Variants in DOCK9 observed in about 807,000 individuals in gnomAD.
The protein encoded by DOCK9 is dedicator of cytokinesis 9, also known as dedicator of cytokinesis protein 9.
In DOCK9, 89 loss-of-function variants were observed where a neutral mutation model predicts 263.3. The ratio of observed to expected loss-of-function variants is 0.34; its 90% confidence interval spans 0.28 to 0.40. The LOEUF (loss-of-function observed/expected upper bound fraction) is 0.40. Among genes scored for constraint, DOCK9 ranks in the 10% least tolerant of loss-of-function variants. The pLI, the probability that DOCK9 is intolerant of heterozygous loss-of-function variation, is 1.00. For synonymous variants in DOCK9, 976 were observed against 973.1 expected, an observed-to-expected ratio of 1.00 and a Z score of -0.06; for missense variants, 2,140 against 2,603.4, an observed-to-expected ratio of 0.82 and a Z score of 3.87.
At chr13:99,059,140 C>T (rs531415890) in intron 1 of DOCK9, among the ~76,000 whole-genome samples, 2 of 152,306 alleles carry the variant, frequency 1.3e-5, no homozygotes, top group East Asian at 1.9e-4. Flanking sequence ...GGCTTCAAGG[C>T]GGGCCATGGT....
chr13:99,001,082 G>A (rs2141834669), intron 1 of DOCK9, among the ~76,000 whole-genome samples: 1 of 152,322 alleles, frequency 6.6e-6, no homozygotes, highest in East Asian at 1.9e-4. Flanking sequence ...GCAAGGAAAG[G>A]CCTTCAGCCT....
chr13:98,882,251 T>C (rs568914723), intron 23 of DOCK9, among the ~76,000 whole-genome samples: 1 of 151,596 alleles, frequency 6.6e-6, no homozygotes, highest in East Asian at 1.9e-4. Flanking sequence ...GGTGTGCCCA[T>C]GGAATCGCAA....
At chr13:98,807,544 C>T (rs1297560552) in intron 48 of DOCK9, 117 bp downstream of exon 48, 10 of 971,524 alleles carry the variant, frequency 1.0e-5, no homozygotes, top group South Asian at 7.6e-5. Context: ...CTGCCACTCA[C>T]GGCCAACAAT....
intron 49 of DOCK9, 79 bp downstream of exon 49, chr13:98,804,920 C>G: frequency 2.0e-6 from 3 of 1,477,330 alleles, no homozygotes; most frequent in Admixed American, 2.0e-5. Flanking sequence ...CCTTCCAGTC[C>G]TGAAGCTTCT....
chr13:99,088,135 G>C (rs2042389631), upstream of DOCK9: 1 of 152,298 alleles, frequency 6.6e-6, no homozygotes, highest in Admixed American at 6.5e-5. Flanking sequence ...TTGCAGGATC[G>C]GATTGTTTCT....
At chr13:98,975,905 T>C (rs1165720703) in intron 1 of DOCK9, among the ~76,000 whole-genome samples, 1 of 152,232 alleles carries the variant, frequency 6.6e-6, no homozygotes, top group African/African-American at 2.4e-5. Context: ...GGTTGCACAA[T>C]GGTGTCTGCC....
At chr13:98,910,693 ACACCTTCAGC>A (rs1369446040) in intron 9 of DOCK9, among the ~76,000 whole-genome samples, 1 of 152,164 alleles carries the variant, frequency 6.6e-6, no homozygotes, top group African/African-American at 2.4e-5. Context: ...CCATGAAATT[ACACCTTCAGC>A]CACCTTCTGC....
At chr13:98,816,141 AG>A (rs1347267824) in intron 45 of DOCK9, among the ~76,000 whole-genome samples, 1 of 152,212 alleles carries the variant, frequency 6.6e-6, no homozygotes, top group Admixed American at 6.5e-5. Context: ...CTATATAAAT[AG>A]GATTTAGTTT....
chr13:98,836,599 C>A (rs2093008931), intron 39 of DOCK9, among the ~76,000 whole-genome samples: 1 of 152,138 alleles, frequency 6.6e-6, no homozygotes, highest in African/African-American at 2.4e-5. Flanking sequence ...CTACCCCGAG[C>A]TCATTTTCTT....
At chr13:98,939,644 A>G (rs138812305) in intron 2 of DOCK9, among the ~76,000 whole-genome samples, 5,091 of 152,292 alleles carry the variant, frequency 0.033, 132 homozygotes, top group Middle Eastern at 0.092. Flanking sequence ...GGATGCAGCC[A>G]AAAAGCAAAG....
At chr13:99,019,870 G>A (rs1288243140) in intron 1 of DOCK9, among the ~76,000 whole-genome samples, 1 of 152,094 alleles carries the variant, frequency 6.6e-6, no homozygotes, top group Non-Finnish European at 1.5e-5. Flanking sequence ...GGAGGCCGAG[G>A]CGGGCAGATC....
At chr13:98,981,999 T>C (rs1877335733), upstream of DOCK9, among the ~76,000 whole-genome samples, 1 of 152,232 alleles carries the variant, frequency 6.6e-6, no homozygotes, top group Non-Finnish European at 1.5e-5. Context: ...CTTGAGTTCC[T>C]TCACACACCA....
At chr13:98,797,558 G>C (rs1192910195) in intron 50 of DOCK9, 69 bp from the exon 51 acceptor site, 1 of 1,393,018 alleles carries the variant, frequency 7.2e-7, no homozygotes. Context: ...CTCAGTTTCA[G>C]TTTGCAGGCA....
intron 18 of DOCK9, among the ~76,000 whole-genome samples, chr13:98,887,886 T>C (rs987814491): frequency 1.3e-5 from 2 of 152,138 alleles, no homozygotes; most frequent in Admixed American, 1.3e-4. Context: ...ACTTGGCTCA[T>C]AGGTGAACAG....
At chr13:99,056,933 G>A (rs912686) in intron 1 of DOCK9, among the ~76,000 whole-genome samples, 16,540 of 152,160 alleles carry the variant, frequency 0.11, 1,299 homozygotes, top group East Asian at 0.24. Context: ...ACTTGGTATC[G>A]GACCCAATGT....
At chr13:98,858,247 C>G (rs1392532110) in intron 33 of DOCK9, 1 of 152,144 alleles carries the variant, frequency 6.6e-6, no homozygotes, top group African/African-American at 2.4e-5. Context: ...AAGATAAATT[C>G]GTCCCTCTTC....
At chr13:98,989,107 C>A (rs1478978578) in intron 1 of DOCK9, among the ~76,000 whole-genome samples, 2 of 152,114 alleles carry the variant, frequency 1.3e-5, no homozygotes, top group Admixed American at 1.3e-4. Flanking sequence ...CAATGTTCGC[C>A]CACCTCTTCC....
chr13:98,972,208 A>G (rs2059806021), intron 1 of DOCK9, among the ~76,000 whole-genome samples: 1 of 152,204 alleles, frequency 6.6e-6, no homozygotes, highest in South Asian at 2.1e-4. Context: ...GGATTAATTG[A>G]AATAACATTT....
chr13:98,994,693 C>T (rs1020673724), intron 1 of DOCK9, among the ~76,000 whole-genome samples: 5 of 151,806 alleles, frequency 3.3e-5, no homozygotes, highest in African/African-American at 7.3e-5. Context: ...TGATCAAGAT[C>T]AATTAATTCA....
Sources: allele counts gnomAD v4.1 joint callset (sites outside exome capture counted in the v4.1 genomes callset), GRCh38; gene constraint gnomAD v4.1.1; transcripts MANE v1.5; gene names NCBI Gene and HGNC (gene_info 2026-07-23, HGNC 2026-07-21).